Variants in CPNE4 observed in about 807,000 individuals in gnomAD.
CPNE4 encodes copine-4.
Under a neutral mutation model 67.9 loss-of-function variants are expected in CPNE4, and 25 were observed. The observed-to-expected ratio is 0.37, with a 90% CI of 0.27 to 0.51. The LOEUF (loss-of-function observed/expected upper bound fraction) is 0.51, where lower values mean the gene tolerates loss of function less well. Ranked by LOEUF, CPNE4 falls within the 20% of genes least tolerant of loss-of-function variation. The pLI is 0.93. For synonymous variants in CPNE4, 242 were observed against 244.9 expected (o/e 0.99, Z 0.11); for missense variants, 464 against 690.8 (o/e 0.67, Z 3.68).
chr3:131,927,614 A>G (rs1242623896), intron 1 of CPNE4, among the ~76,000 whole-genome samples: 5 of 152,232 alleles, frequency 3.3e-5, no homozygotes, highest in African/African-American at 1.2e-4. Context: ...TAAGAAGCCA[A>G]TCAATTTTTG....
intron 7 of CPNE4, among the ~76,000 whole-genome samples, chr3:131,648,319 G>T (rs1194502329): frequency 6.6e-6 from 1 of 152,214 alleles, no homozygotes; most frequent in Non-Finnish European, 1.5e-5. Flanking sequence ...GCTGCAGTGA[G>T]CTGTGGTTGT....
chr3:131,902,346 T>G lies in CPNE4; in HGVS notation c.180+2918A>C, dbSNP rs146456893. On this transcript the variant is annotated intron_variant, in intron 2 of 15. Transcript: ENST00000429747. ...AGTTTAATAGGACGCTTTGGAAAAA[T>G]TATTTGACAATATGTATCAAAAGCC... 7.9e-3 allele frequency among the ~76,000 whole-genome samples: 1,197 copies of G among 152,148 alleles called. 15 individuals are homozygous for G. Among genetic ancestry groups the G allele is most frequent in the Non-Finnish European group, 0.013 (909 of 67,984 alleles).
chr3:131,609,862 G>A (rs1939731659), intron 7 of CPNE4, among the ~76,000 whole-genome samples: 2 of 152,066 alleles, frequency 1.3e-5, no homozygotes, highest in South Asian at 2.1e-4. Context: ...CAGACCAGGA[G>A]TTTTATTATT....
In CPNE4 at chr3:131,794,174, T is replaced by C. The variant is rs564966694; in HGVS notation, c.181-70549A>G. 3.3e-5 allele frequency among the ~76,000 whole-genome samples: 5 copies of C among 152,230 alleles called. No homozygotes were observed. The South Asian group carries it at 1.0e-3, about 32-fold the overall frequency. ...ATGTATCCTGACATACAGACCTTTA[T>C]GATCATCCTTCAGGGAACTTTCTCA... On this transcript the variant is annotated intron_variant, in intron 2 of 15. Coordinates refer to ENST00000429747, the MANE Select transcript of CPNE4 (RefSeq NM_130808.3).
intron 1 of CPNE4, among the ~76,000 whole-genome samples, chr3:131,921,082 G>A (rs1054868922): frequency 1.3e-5 from 2 of 152,150 alleles, no homozygotes; most frequent in Admixed American, 1.3e-4. Flanking sequence ...CACTTACTGG[G>A]TGGCACCAAA....
At chr3:131,575,925 C>T (rs1019202458) in intron 9 of CPNE4, among the ~76,000 whole-genome samples, 1 of 152,046 alleles carries the variant, frequency 6.6e-6, no homozygotes, top group African/African-American at 2.4e-5. Context: ...TCTTAATTTA[C>T]ATTTCTTTGT....
At chr3:131,901,050 G>A (rs2088535309) in intron 2 of CPNE4, among the ~76,000 whole-genome samples, 1 of 152,046 alleles carries the variant, frequency 6.6e-6, no homozygotes, top group African/African-American at 2.4e-5. Flanking sequence ...ATGAGAACAA[G>A]TACTCCTCCA....
chr3:131,599,338 A>G (rs1401315271), intron 7 of CPNE4, among the ~76,000 whole-genome samples: 1 of 152,154 alleles, frequency 6.6e-6, no homozygotes, highest in Non-Finnish European at 1.5e-5. Flanking sequence ...AGTTCCCTTG[A>G]TTATTGTCCC....
At chr3:131,890,675 C>T (rs2107740096) in intron 2 of CPNE4, among the ~76,000 whole-genome samples, 2 of 151,888 alleles carry the variant, frequency 1.3e-5, no homozygotes, top group Middle Eastern at 6.8e-3. Flanking sequence ...TTCACAATAG[C>T]CAAAATATGG....
upstream of CPNE4, chr3:132,037,696 T>G: frequency 8.5e-7 from 1 of 1,170,814 alleles, no homozygotes. Context: ...CTGGGTAGAT[T>G]CACTCGCCGG....
intron 1 of CPNE4, among the ~76,000 whole-genome samples, chr3:131,991,351 A>T (rs1365984844): frequency 7.3e-6 from 1 of 136,308 alleles, no homozygotes; most frequent in East Asian, 2.4e-4. Flanking sequence ...AATGGTTTCA[A>T]CCAAAATGCT....
At chr3:131,677,082 G>A (rs536631507) in intron 6 of CPNE4, among the ~76,000 whole-genome samples, 54 of 151,724 alleles carry the variant, frequency 3.6e-4, no homozygotes, top group African/African-American at 1.2e-3. Context: ...TCTGACTGGT[G>A]TGAGATGGTA....
intron 7 of CPNE4, among the ~76,000 whole-genome samples, chr3:131,654,892 C>G (rs536173150): frequency 1.3e-5 from 2 of 152,278 alleles, no homozygotes; most frequent in East Asian, 3.9e-4. Flanking sequence ...TCCAGTCCCC[C>G]ACTGCATAGA....
At chr3:132,033,881 A>T (rs993069047) in intron 1 of CPNE4, among the ~76,000 whole-genome samples, 2 of 152,040 alleles carry the variant, frequency 1.3e-5, no homozygotes, top group African/African-American at 4.8e-5. Flanking sequence ...CTCCTTACTC[A>T]GCTGTGGCTT....
intron 2 of CPNE4, among the ~76,000 whole-genome samples, chr3:131,890,761 G>C (rs1366522771): frequency 6.6e-6 from 1 of 152,060 alleles, no homozygotes; most frequent in East Asian, 1.9e-4. Context: ...ATATTACCTA[G>C]CATTGAAAAA....
At chr3:131,873,726 G>A (rs1224028261) in intron 2 of CPNE4, among the ~76,000 whole-genome samples, 4 of 152,162 alleles carry the variant, frequency 2.6e-5, no homozygotes, top group South Asian at 4.1e-4. Context: ...AAGGATGACT[G>A]ACCCATAAAT....
chr3:131,799,915 T>G (rs1560339057), intron 2 of CPNE4, among the ~76,000 whole-genome samples: 2 of 60,908 alleles, frequency 3.3e-5, no homozygotes, highest in African/African-American at 1.5e-4. Flanking sequence ...TGTGTGTGTG[T>G]GTGTTGTGTG....
At chr3:131,782,295 T>C (rs1355783) in intron 2 of CPNE4, among the ~76,000 whole-genome samples, 142,418 of 152,190 alleles carry the variant, frequency 0.94, 67,254 homozygotes, top group East Asian at 1. Flanking sequence ...AAAGATTTTT[T>C]ATTTACTATT....
chr3:132,012,685 T>C (rs1473544297), intron 1 of CPNE4, among the ~76,000 whole-genome samples: 1 of 152,166 alleles, frequency 6.6e-6, no homozygotes, highest in Non-Finnish European at 1.5e-5. Flanking sequence ...TTGACATCAT[T>C]AAGCTGACAA....
Sources: allele counts gnomAD v4.1 joint callset (sites outside exome capture counted in the v4.1 genomes callset), GRCh38; gene constraint gnomAD v4.1.1; transcripts MANE v1.5; gene names NCBI Gene and HGNC (gene_info 2026-07-23, HGNC 2026-07-21).